SORCS3: variants seen among roughly 807,000 people sequenced by gnomAD.
The protein encoded by SORCS3 is VPS10 domain-containing receptor SorCS3.
A neutral mutation model predicts 146.3 loss-of-function variants in SORCS3; 57 were observed. The ratio of observed to expected loss-of-function variants is 0.39; its 90% CI spans 0.31 to 0.49. SORCS3 has a LOEUF of 0.49. SORCS3 is among the 20% of genes least tolerant of loss of function. The pLI is 0.92. For synonymous variants in SORCS3, 653 were observed against 618.5 expected (o/e 1.06, Z -0.83); for missense variants, 1,341 against 1,575.5 (o/e 0.85, Z 2.52).
intron 7 of SORCS3, among the ~76,000 whole-genome samples, chr10:105,134,942 A>G (rs1194990446): frequency 1.3e-5 from 2 of 152,152 alleles, no homozygotes; most frequent in African/African-American, 2.4e-5. Flanking sequence ...TCCAGCTGCA[A>G]GCCTGTGAAA....
Position 105,255,690 on chromosome 10 carries a change from T to G in SORCS3, c.3238-12T>G, listed in dbSNP as rs1176161691. 4 of 1,601,716 alleles carry G rather than the reference T, an allele frequency of 2.5e-6. No homozygotes were observed. In the Admixed American group the frequency reaches 6.7e-5, roughly 27 times the overall value. On this transcript the variant is annotated splice_polypyrimidine_tract_variant and intron_variant, in intron 23 of 26. Transcript: ENST00000369701. ...GTCATGTCACCCCATGCATCCTGTC[T>G]TATTTTTTCAGATTGTAGAAACACT... is the stretch of plus-strand genomic sequence containing the variant.
At chr10:104,778,251 A>T (rs1447749966) in intron 1 of SORCS3, among the ~76,000 whole-genome samples, 1 of 152,204 alleles carries the variant, frequency 6.6e-6, no homozygotes, top group Non-Finnish European at 1.5e-5. Context: ...TATACCAATT[A>T]ACAAATTCTA....
intron 5 of SORCS3, among the ~76,000 whole-genome samples, chr10:105,046,532 A>C (rs1013059452): frequency 2.0e-5 from 3 of 152,124 alleles, no homozygotes; most frequent in Non-Finnish European, 4.4e-5. Flanking sequence ...CGTCATCTAC[A>C]GTGATGATTG....
At chr10:104,830,686 C>A (rs2017990551) in intron 1 of SORCS3, among the ~76,000 whole-genome samples, 1 of 152,212 alleles carries the variant, frequency 6.6e-6, no homozygotes, top group African/African-American at 2.4e-5. Context: ...TGGTTACCTG[C>A]CATACATAGG....
At chr10:105,221,307 G>C (rs896135241) in intron 19 of SORCS3, among the ~76,000 whole-genome samples, 1 of 152,116 alleles carries the variant, frequency 6.6e-6, no homozygotes, top group Admixed American at 6.6e-5. Context: ...CTATGACACA[G>C]AATATGTCCA....
intron 11 of SORCS3, among the ~76,000 whole-genome samples, 168 bp from the exon 12 acceptor site, chr10:105,164,135 G>A (rs1332061161): frequency 6.6e-6 from 1 of 151,966 alleles, no homozygotes; most frequent in Non-Finnish European, 1.5e-5. Context: ...TCCCATATTG[G>A]GTTTTTCATC....
intron 7 of SORCS3, among the ~76,000 whole-genome samples, chr10:105,108,634 G>T (rs1372102784): frequency 2.6e-5 from 4 of 152,108 alleles, no homozygotes; most frequent in African/African-American, 9.7e-5. Context: ...GGCCTTGAAG[G>T]CTTTATTTTT....
chr10:104,767,440 T>C (rs1199098665), intron 1 of SORCS3, among the ~76,000 whole-genome samples: 2 of 152,156 alleles, frequency 1.3e-5, no homozygotes, highest in African/African-American at 4.8e-5. Flanking sequence ...CCTTACCTCC[T>C]GGGCCTGCAG....
intron 7 of SORCS3, among the ~76,000 whole-genome samples, chr10:105,137,900 G>A (rs2056069493): frequency 6.6e-6 from 1 of 152,272 alleles, no homozygotes; most frequent in South Asian, 2.1e-4. Context: ...ACAATCATGT[G>A]AGAACTAATG....
At chr10:105,090,951 A>G (rs1469701510) in intron 6 of SORCS3, among the ~76,000 whole-genome samples, 1 of 152,232 alleles carries the variant, frequency 6.6e-6, no homozygotes, top group Non-Finnish European at 1.5e-5. Flanking sequence ...GGCCAACCGT[A>G]GATGCATGCC....
At chr10:104,657,404 T>G (rs187454017) in intron 1 of SORCS3, among the ~76,000 whole-genome samples, 1 of 152,340 alleles carries the variant, frequency 6.6e-6, no homozygotes, top group Admixed American at 6.5e-5. Context: ...CTTGAGAGAT[T>G]GGATGTAGCA....
intron 3 of SORCS3, among the ~76,000 whole-genome samples, chr10:104,931,410 A>G (rs2019207375): frequency 6.6e-6 from 1 of 152,208 alleles, no homozygotes; most frequent in South Asian, 2.1e-4. Flanking sequence ...GGCAGCAGAA[A>G]CGGCCAGGTC....
At chr10:104,967,886 C>T (rs533424115) in intron 3 of SORCS3, among the ~76,000 whole-genome samples, 1 of 151,748 alleles carries the variant, frequency 6.6e-6, no homozygotes, top group Non-Finnish European at 1.5e-5. Context: ...TTCTGAACTC[C>T]TGAGCTCAAA....
intron 1 of SORCS3, among the ~76,000 whole-genome samples, chr10:104,790,835 A>C (rs138866711): frequency 3.0e-4 from 46 of 152,350 alleles, no homozygotes; most frequent in African/African-American, 1.1e-3. Context: ...AGTTCTTTGC[A>C]TAGTATATGA....
At chr10:104,916,024 GAATCATTT>G in intron 3 of SORCS3, 92 bp downstream of exon 3, 1 of 924,042 alleles carries the variant, frequency 1.1e-6, no homozygotes, top group South Asian at 1.4e-5. Flanking sequence ...AGTTGTCATT[GAATCATTT>G]ACAGAGGTCT....
At chr10:105,151,283 T>A (rs2056165684) in intron 9 of SORCS3, among the ~76,000 whole-genome samples, 1 of 152,158 alleles carries the variant, frequency 6.6e-6, no homozygotes, top group Non-Finnish European at 1.5e-5. Context: ...TTGAGTGGCC[T>A]TGTGGAGCAG....
chr10:105,242,954 A>G (rs2056844700), intron 20 of SORCS3, among the ~76,000 whole-genome samples: 1 of 122,324 alleles, frequency 8.2e-6, no homozygotes, highest in Admixed American at 1.1e-4. Flanking sequence ...TATATGATAT[A>G]TATTATATAT....
At chr10:105,150,498 T>C (rs1457756500) in intron 9 of SORCS3, among the ~76,000 whole-genome samples, 1 of 152,044 alleles carries the variant, frequency 6.6e-6, no homozygotes, top group Non-Finnish European at 1.5e-5. Flanking sequence ...CTGTCAGTCC[T>C]TTTGCCCTGG....
intron 1 of SORCS3, among the ~76,000 whole-genome samples, chr10:104,676,213 T>C (rs1294053156): frequency 6.6e-6 from 1 of 152,240 alleles, no homozygotes; most frequent in East Asian, 1.9e-4. Flanking sequence ...TTTCTTGCCT[T>C]ATTGAACAGG....
Sources: allele counts gnomAD v4.1 joint callset (sites outside exome capture counted in the v4.1 genomes callset), GRCh38; gene constraint gnomAD v4.1.1; transcripts MANE v1.5; gene names NCBI Gene and HGNC (gene_info 2026-07-23, HGNC 2026-07-21).